MTAP: variants seen among roughly 807,000 people sequenced by gnomAD.
MTAP encodes the protein methylthioadenosine phosphorylase.
A neutral mutation model predicts 33.6 loss-of-function variants in MTAP; 33 were observed. That is an observed-to-expected ratio of 0.98 (90% confidence interval 0.74 to 1.31). The LOEUF is 1.31. Among genes scored for constraint, MTAP ranks in the 40% most tolerant of loss-of-function variants. MTAP has a pLI of 0.00. For synonymous variants in MTAP, 148 were observed against 125.7 expected, an observed-to-expected ratio of 1.18 and a Z score of -1.19; for missense variants, 367 against 360.0, an observed-to-expected ratio of 1.02 and a Z score of -0.16.
rs186847081 is a variant in MTAP at position 21,815,390 on chromosome 9, A to G, written c.34-43A>G. The G allele has an allele frequency of 7.6e-5, 102 of 1,335,256 alleles. No individual in the cohort carries two copies. The African/African-American group carries it at 1.3e-3, about 16-fold the overall frequency. 82.7% of individuals were successfully genotyped at this position (1,335,256 alleles called of 1,614,324 possible). ...TGCTTAGAATCTTATTTCTAATAAA[A>G]ATTACCAAATACAATAATCTTCTCT... On this transcript the variant is annotated intron_variant, in intron 1 of 7. Coordinates refer to ENST00000644715, the MANE Select transcript of MTAP (RefSeq NM_002451.4).
exon 2 of MTAP, chr9:21,931,101 G>T: frequency 1.3e-6 from 1 of 763,620 alleles, no homozygotes; most frequent in Middle Eastern, 2.3e-4. Context: ...CTTCCCATCA[G>T]TGGGACATGG....
chr9:21,874,889 C>T (rs1382804041), intron 1 of MTAP, among the ~76,000 whole-genome samples: 2 of 152,022 alleles, frequency 1.3e-5, no homozygotes, highest in African/African-American at 4.8e-5. Flanking sequence ...GTTCCCCTCC[C>T]TGTGTCCATG....
chr9:21,813,651 G>A (rs1424143498), intron 1 of MTAP: 2 of 152,200 alleles, frequency 1.3e-5, no homozygotes, highest in East Asian at 3.9e-4. Context: ...CTGGCTCAGG[G>A]AACACCCAGA....
Position 21,866,018 on chromosome 9 carries a change from A to G in MTAP, c.*4004A>G, listed in dbSNP as rs1825847956. On this transcript the variant is annotated 3_prime_UTR_variant, in exon 8 of 8. Coordinates refer to ENST00000644715, the MANE Select transcript of MTAP (RefSeq NM_002451.4). ...TATTTTCACTTGTGCAAATGCCTATACTCCCACCAGTAATTTGTAAGAATT... is the reference window on the plus strand; with the variant it reads ...TATTTTCACTTGTGCAAATGCCTATGCTCCCACCAGTAATTTGTAAGAATT... 6.4e-6 allele frequency: 1 copy of G among 156,240 alleles called. No homozygotes were observed. Among genetic ancestry groups the G allele is most frequent in the East Asian group, 1.9e-4 (1 of 5,198 alleles). 9.7% of individuals were successfully genotyped at this position (156,240 alleles called of 1,614,324 possible).
intron 4 of MTAP, among the ~76,000 whole-genome samples, chr9:21,836,381 CAA>C (rs1177389804): frequency 1.3e-5 from 2 of 152,038 alleles, no homozygotes; most frequent in East Asian, 3.9e-4. Flanking sequence ...AAGTTCAAAA[CAA>C]AGGCGGGGGT....
Position 21,861,985 on chromosome 9 carries a change from C to G in MTAP, c.823C>G (p.Gln275Glu). Residue 275 changes from glutamine (Q) to glutamate (E), a missense_variant, in exon 8 of 8, where the codon CAG becomes GAG. By Grantham distance (29) the Gln-to-Glu change is conservative. Coordinates refer to ENST00000644715, the MANE Select transcript of MTAP (RefSeq NM_002451.4). Reference protein sequence around the residue: ...ETLHNLKNMAQFSVLLPRH With the variant: ...ETLHNLKNMAEFSVLLPRH The stretch of plus-strand genomic sequence containing the variant: ...CCTTTCTTCCTTTCAGAATATGGCC[C>G]AGTTTTCTGTTTTATTACCAAGACA... The G allele has an allele frequency of 6.3e-7, 1 of 1,589,600 alleles. No homozygotes were observed.
At chr9:21,811,726 G>A (rs556105862) in intron 1 of MTAP, 21 of 531,768 alleles carry the variant, frequency 3.9e-5, no homozygotes, top group Non-Finnish European at 6.9e-5. Context: ...TTTCAGCCTC[G>A]GTGAATTCCA....
At chr9:21,867,545 T>C (rs1825873540), downstream of MTAP, among the ~76,000 whole-genome samples, 1 of 152,184 alleles carries the variant, frequency 6.6e-6, no homozygotes, top group South Asian at 2.1e-4. Flanking sequence ...TATATAATGC[T>C]GGATTCGGTT....
intron 1 of MTAP, among the ~76,000 whole-genome samples, chr9:21,921,594 A>C (rs1315733782): frequency 6.6e-6 from 1 of 152,224 alleles, no homozygotes; most frequent in Non-Finnish European, 1.5e-5. Flanking sequence ...AGAAATTCTG[A>C]ATTCCTCAAG....
At chr9:21,870,396 G>T (rs1446546026), downstream of MTAP, among the ~76,000 whole-genome samples, 1 of 152,168 alleles carries the variant, frequency 6.6e-6, no homozygotes, top group African/African-American at 2.4e-5. Flanking sequence ...TAAATGACCA[G>T]ACTAGTGCTT....
intron 1 of MTAP, among the ~76,000 whole-genome samples, chr9:21,925,012 G>T (rs1361205869): frequency 6.6e-6 from 1 of 152,180 alleles, no homozygotes; most frequent in Non-Finnish European, 1.5e-5. Context: ...CCAAAAATTT[G>T]CAAATGCAAT....
chr9:21,812,208 G>A, intron 1 of MTAP: 1 of 214,358 alleles, frequency 4.7e-6, no homozygotes, highest in South Asian at 7.9e-5. Flanking sequence ...CTGCAAGTCA[G>A]CATTGAGTTG....
At chr9:21,935,591 C>T (rs1364771344), downstream of MTAP, 3 of 152,072 alleles carry the variant, frequency 2.0e-5, no homozygotes, top group Non-Finnish European at 4.4e-5. Flanking sequence ...ACTCATGTCT[C>T]TCTGGGCCTG....
At chr9:21,930,999 C>T (rs766485778) in intron 1 of MTAP, 4 of 759,278 alleles carry the variant, frequency 5.3e-6, no homozygotes, top group Non-Finnish European at 9.6e-6. Flanking sequence ...TCCTTTCTCT[C>T]ACCTTTAGAT....
At chr9:21,830,299 C>G (rs1824935145) in intron 4 of MTAP, among the ~76,000 whole-genome samples, 1 of 152,138 alleles carries the variant, frequency 6.6e-6, no homozygotes, top group South Asian at 2.1e-4. Flanking sequence ...TAGTGTTCTT[C>G]CCAAACCAAA....
chr9:21,856,199 G>A (rs568250248), intron 6 of MTAP: 34 of 985,138 alleles, frequency 3.5e-5, no homozygotes, highest in Admixed American at 6.1e-5. Flanking sequence ...AAACATTTAG[G>A]GGTGACTTTC....
At chr9:21,931,897 G>T (rs7869004), downstream of MTAP, 58,786 of 152,040 alleles carry the variant, frequency 0.39, 15,259 homozygotes, top group African/African-American at 0.72. Flanking sequence ...ATGGCAAAAA[G>T]CAAGCTGCTG....
intron 4 of MTAP, among the ~76,000 whole-genome samples, chr9:21,830,097 G>T (rs1198179459): frequency 6.6e-6 from 1 of 152,140 alleles, no homozygotes; most frequent in Non-Finnish European, 1.5e-5. Context: ...TCTCATTCAA[G>T]TAAATTCCAT....
At chr9:21,934,954 C>G (rs1271990019), downstream of MTAP, 3 of 152,310 alleles carry the variant, frequency 2.0e-5, no homozygotes, top group East Asian at 5.8e-4. This position sits in a 1 kb window ranked among gnomAD's most constrained non-coding sequence, Gnocchi z 5.0. Context: ...TCGCCTCGGC[C>G]TCCCAAAGTG....
Sources: allele counts gnomAD v4.1 joint callset (sites outside exome capture counted in the v4.1 genomes callset), GRCh38; gene constraint gnomAD v4.1.1; non-coding constraint Gnocchi (gnomAD v3.1); transcripts MANE v1.5; gene names NCBI Gene and HGNC (gene_info 2026-07-23, HGNC 2026-07-21).